Variants in NAV3 observed in about 807,000 individuals in gnomAD.
NAV3 encodes neuron navigator 3.
Under a neutral mutation model 244.7 loss-of-function variants are expected in NAV3, and 87 were observed. The observed-to-expected ratio is 0.36, with a 90% confidence interval of 0.30 to 0.42. The LOEUF (loss-of-function observed/expected upper bound fraction) is 0.42. Ranked by LOEUF, NAV3 falls within the 20% of genes least tolerant of loss-of-function variation. NAV3 has a pLI of 1.00. For missense variants in NAV3, 2,663 were observed against 2,893.3 expected, an observed-to-expected ratio of 0.92 and a Z score of 1.83; for synonymous variants, 1,126 against 1,042.2, an observed-to-expected ratio of 1.08 and a Z score of -1.55.
intron 1 of NAV3, among the ~76,000 whole-genome samples, chr12:77,843,265 G>A (rs1876009443): frequency 6.6e-6 from 1 of 151,812 alleles, no homozygotes. Flanking sequence ...CTCAGCTATT[G>A]TCTTCTGATT....
chr12:77,668,137 C>T (rs1473599982), intron 2 of NAV3, among the ~76,000 whole-genome samples: 28 of 152,182 alleles, frequency 1.8e-4, no homozygotes, highest in Non-Finnish European at 1.5e-5. Context: ...AGAATCTGAA[C>T]AGCAGCCCTT....
At chr12:78,024,242 C>G (rs1344726802) in intron 9 of NAV3, among the ~76,000 whole-genome samples, 1 of 152,134 alleles carries the variant, frequency 6.6e-6, no homozygotes, top group Non-Finnish European at 1.5e-5. Context: ...TAATTGTACT[C>G]ATTTGATGAA....
At chr12:77,847,078 T>A (rs1876760513) in intron 1 of NAV3, among the ~76,000 whole-genome samples, 1 of 152,166 alleles carries the variant, frequency 6.6e-6, no homozygotes, top group Admixed American at 6.5e-5. Flanking sequence ...TACACACAGA[T>A]ATCAAGACTT....
At chr12:77,854,294 C>T (rs755709405) in intron 1 of NAV3, among the ~76,000 whole-genome samples, 10 of 152,112 alleles carry the variant, frequency 6.6e-5, no homozygotes, top group Non-Finnish European at 1.3e-4. Context: ...CAGCTTAGAG[C>T]AGCTCTATCA....
At chr12:77,704,655 T>C (rs933453887) in intron 2 of NAV3, among the ~76,000 whole-genome samples, 6 of 152,138 alleles carry the variant, frequency 3.9e-5, no homozygotes, top group African/African-American at 1.2e-4. Context: ...AAAGCCAACA[T>C]TCAATCATTG....
At chr12:77,651,119 TACCTTTCTTTTG>T (rs1488355519) in intron 2 of NAV3, among the ~76,000 whole-genome samples, 11 of 152,270 alleles carry the variant, frequency 7.2e-5, no homozygotes, top group African/African-American at 2.4e-4. Context: ...TGTGAGACTA[TACCTTTCTTTTG>T]ACTCAGGTTA....
intron 2 of NAV3, among the ~76,000 whole-genome samples, chr12:77,586,141 G>A (rs1483788815): frequency 1.3e-5 from 2 of 151,406 alleles, no homozygotes; most frequent in East Asian, 2.0e-4. Context: ...CAGCCTGGGC[G>A]ACGGAGCGAG....
intron 24 of NAV3, among the ~76,000 whole-genome samples, chr12:78,174,042 G>C (rs1170306854): frequency 1.3e-5 from 2 of 151,644 alleles, no homozygotes; most frequent in Admixed American, 6.6e-5. Context: ...TTTGGAAACT[G>C]TCAGCTTTAT....
chr12:77,965,527 G>C (rs1293590630), intron 3 of NAV3, among the ~76,000 whole-genome samples: 1 of 152,150 alleles, frequency 6.6e-6, no homozygotes, highest in Non-Finnish European at 1.5e-5. Context: ...AGTGAGGCCG[G>C]AGAATCGCTT....
chr12:77,883,998 A>T (rs770354218), intron 1 of NAV3, among the ~76,000 whole-genome samples: 2 of 152,140 alleles, frequency 1.3e-5, no homozygotes, highest in African/African-American at 4.8e-5. Context: ...TAAAGCCACC[A>T]ATAACCTCTT....
chr12:77,989,591 A>G (rs12816464), intron 5 of NAV3, among the ~76,000 whole-genome samples: 18,162 of 152,198 alleles, frequency 0.12, 1,394 homozygotes, highest in Non-Finnish European at 0.17. Context: ...GGTGCCTCTT[A>G]GAAATGCAGC....
At chr12:77,947,297 G>T (rs1341292735) in intron 3 of NAV3, 1 of 151,494 alleles carries the variant, frequency 6.6e-6, no homozygotes, top group Non-Finnish European at 1.5e-5. Context: ...TATTTATCTG[G>T]AAAGTGAAAC....
chr12:78,199,240 A>G, intron 36 of NAV3, 95 bp from the exon 37 acceptor site: 1 of 991,794 alleles, frequency 1.0e-6, no homozygotes, highest in Non-Finnish European at 1.5e-6. Context: ...TCTATTGGAA[A>G]GTAATAATGA....
chr12:78,109,566 G>A (rs1350847634), intron 12 of NAV3, among the ~76,000 whole-genome samples: 1 of 151,788 alleles, frequency 6.6e-6, no homozygotes, highest in Non-Finnish European at 1.5e-5. Context: ...CTGGCAAACG[G>A]AATCCAACAG....
chr12:78,114,562 C>T (rs1389208571), intron 12 of NAV3, among the ~76,000 whole-genome samples: 3 of 152,092 alleles, frequency 2.0e-5, no homozygotes, highest in Non-Finnish European at 4.4e-5. Context: ...ATAAAGTCAT[C>T]AGATCTCATG....
At chr12:77,789,498 G>A (rs1398275369) in intron 2 of NAV3, among the ~76,000 whole-genome samples, 2 of 97,180 alleles carry the variant, frequency 2.1e-5, no homozygotes, top group African/African-American at 3.4e-5. Context: ...ACTAATGATC[G>A]CTAATGAGCT....
At chr12:78,083,295 C>A in intron 12 of NAV3, among the ~76,000 whole-genome samples, 1 of 152,104 alleles carries the variant, frequency 6.6e-6, no homozygotes, top group Non-Finnish European at 1.5e-5. Context: ...AGGGCTCAGC[C>A]CTCATGACCC....
At chr12:78,202,912 A>G (rs559171511) in intron 38 of NAV3, among the ~76,000 whole-genome samples, 1 of 152,248 alleles carries the variant, frequency 6.6e-6, no homozygotes, top group East Asian at 1.9e-4. Context: ...AGAATCTTGG[A>G]TTGGAGAAAG....
chr12:77,657,610 G>A (rs947378184), intron 2 of NAV3, among the ~76,000 whole-genome samples: 3 of 152,128 alleles, frequency 2.0e-5, no homozygotes, highest in Non-Finnish European at 4.4e-5. Context: ...CATTTTATGA[G>A]GCCAGCATCA....
Sources: allele counts gnomAD v4.1 joint callset (sites outside exome capture counted in the v4.1 genomes callset), GRCh38; gene constraint gnomAD v4.1.1; transcripts MANE v1.5; gene names NCBI Gene and HGNC (gene_info 2026-07-23, HGNC 2026-07-21).